SDK1: variants seen among roughly 807,000 people sequenced by gnomAD.
SDK1 encodes protein sidekick-1.
In SDK1, 157 loss-of-function variants were observed where a neutral mutation model predicts 245.5. The observed-to-expected ratio is 0.64, with a 90% CI of 0.56 to 0.73. The LOEUF (loss-of-function observed/expected upper bound fraction) is 0.73. SDK1 is among the 30% of genes least tolerant of loss of function. SDK1 has a pLI of 0.00. For missense variants in SDK1, 3,583 were observed against 3,002.3 expected (o/e 1.19, Z -4.52); for synonymous variants, 1,647 against 1,278.5 (o/e 1.29, Z -6.15).
intron 1 of SDK1, among the ~76,000 whole-genome samples, chr7:3,373,366 G>C (rs1375379842): frequency 6.6e-6 from 1 of 152,182 alleles, no homozygotes; most frequent in African/African-American, 2.4e-5. Context: ...TTGCAAGTCA[G>C]GTTCTCTCTG....
At chr7:3,933,343 G>T (rs1194457519) in intron 5 of SDK1, among the ~76,000 whole-genome samples, 1 of 152,002 alleles carries the variant, frequency 6.6e-6, no homozygotes, top group African/African-American at 2.4e-5. Context: ...AAACTTCTGG[G>T]CTCAAGTAAT....
At chr7:3,330,927 T>C (rs528010789) in intron 1 of SDK1, among the ~76,000 whole-genome samples, 3 of 151,538 alleles carry the variant, frequency 2.0e-5, no homozygotes, top group African/African-American at 7.3e-5. Flanking sequence ...GATCCTGTCA[T>C]TGCACTCCAG....
chr7:4,072,205 G>A (rs547870706), intron 20 of SDK1, among the ~76,000 whole-genome samples: 81 of 152,312 alleles, frequency 5.3e-4, no homozygotes, highest in African/African-American at 1.9e-3. Flanking sequence ...GCTTTCCTGG[G>A]CTGGGTGTAG....
intron 1 of SDK1, among the ~76,000 whole-genome samples, chr7:3,553,964 A>G (rs1393551317): frequency 2.0e-5 from 3 of 152,168 alleles, no homozygotes; most frequent in African/African-American, 7.2e-5. Flanking sequence ...GAATGCTGCA[A>G]AGGCTCTGAA....
At chr7:4,216,521 C>A (rs1584466715) in intron 38 of SDK1, among the ~76,000 whole-genome samples, 1 of 152,232 alleles carries the variant, frequency 6.6e-6, no homozygotes, top group African/African-American at 2.4e-5. Flanking sequence ...GGTAACTGGA[C>A]CTCCACATGA....
intron 1 of SDK1, among the ~76,000 whole-genome samples, chr7:3,616,119 C>G (rs1009237076): frequency 1.3e-5 from 2 of 152,292 alleles, no homozygotes; most frequent in Admixed American, 1.3e-4. Context: ...CACTCGAGCT[C>G]AAGCAATCCT....
intron 4 of SDK1, among the ~76,000 whole-genome samples, chr7:3,781,461 G>A (rs1780734707): frequency 6.6e-6 from 1 of 152,052 alleles, no homozygotes; most frequent in Non-Finnish European, 1.5e-5. Context: ...ACCTGTAAAG[G>A]CCAGAAAAGG....
intron 5 of SDK1, among the ~76,000 whole-genome samples, chr7:3,882,627 ATG>A (rs909304658): frequency 6.6e-6 from 1 of 152,166 alleles, no homozygotes; most frequent in Non-Finnish European, 1.5e-5. Flanking sequence ...CCAGTGTAGA[ATG>A]TAAATAGCAT....
chr7:4,132,370 C>T lies in SDK1; in HGVS notation c.4175C>T (p.Thr1392Ile), dbSNP rs373337374. 4.2e-5 allele frequency: 67 copies of T among 1,613,170 alleles called. No individual in the cohort carries two copies. Among genetic ancestry groups the T allele is most frequent in the Non-Finnish European group, 5.3e-5 (62 of 1,179,566 alleles). ...CTCGTGTTCCCCGAAGTGAGACTCA[C>T]CTCCGTGCGGATAGTGTGGCAACCT... is the stretch of plus-strand genomic sequence containing the variant. ...VRLVFPEVRL[T>I]SVRIVWQPPE... The change falls in exon 28 of 45, where the codon ACC becomes ATC. Residue 1392 changes from threonine (T) to isoleucine (I), a missense_variant. By Grantham distance (89) the Thr-to-Ile change is moderately conservative (BLOSUM62 -1). Transcript: ENST00000404826.
At chr7:3,726,388 C>T (rs978333672) in intron 4 of SDK1, among the ~76,000 whole-genome samples, 3 of 152,164 alleles carry the variant, frequency 2.0e-5, no homozygotes, top group African/African-American at 4.8e-5. Context: ...AGCAGTCACT[C>T]GACTGTAAGT....
chr7:3,868,056 A>T lies in SDK1; in HGVS notation c.847+46473A>T, dbSNP rs143390528. Among the ~76,000 whole-genome samples, 890 of 152,280 alleles carry T rather than the reference A, an allele frequency of 5.8e-3. 11 individuals carry two copies. Among genetic ancestry groups the T allele is most frequent in the African/African-American group, 0.02 (824 of 41,550 alleles). On this transcript the variant is annotated intron_variant, in intron 5 of 44. Transcript: ENST00000404826. ...TTGTTTGAATGTTTCACGGAATGTT[A>T]ATCCTGGCATATTTGGCTGCCATCA...
At chr7:3,547,100 C>T (rs1583151100) in intron 1 of SDK1, among the ~76,000 whole-genome samples, 1 of 152,056 alleles carries the variant, frequency 6.6e-6, no homozygotes, top group African/African-American at 2.4e-5. Context: ...CTTGTCTACA[C>T]TTAGAGTTTT....
At chr7:3,468,476 C>G (rs1781080404) in intron 1 of SDK1, among the ~76,000 whole-genome samples, 1 of 152,120 alleles carries the variant, frequency 6.6e-6, no homozygotes, top group African/African-American at 2.4e-5. Context: ...AACCAGAACC[C>G]CTTTCCCCAT....
At chr7:3,795,253 C>T (rs915985316) in intron 4 of SDK1, among the ~76,000 whole-genome samples, 1 of 152,020 alleles carries the variant, frequency 6.6e-6, no homozygotes, top group Non-Finnish European at 1.5e-5. Context: ...TGTGCTGTGG[C>T]TGTGATTTTT....
intron 1 of SDK1, among the ~76,000 whole-genome samples, chr7:3,504,282 TTGTTGTTGTTGC>T (rs1472532035): frequency 6.6e-6 from 1 of 151,418 alleles, no homozygotes; most frequent in Non-Finnish European, 1.5e-5. Flanking sequence ...GTTGTTGTTG[TTGTTGTTGTTGC>T]AGAATTTGAC....
chr7:3,522,136 G>T (rs113114476), intron 1 of SDK1, among the ~76,000 whole-genome samples: 2 of 151,840 alleles, frequency 1.3e-5, no homozygotes, highest in Non-Finnish European at 2.9e-5. Context: ...ACTATCTTTG[G>T]TTTTATTGTA....
intron 1 of SDK1, among the ~76,000 whole-genome samples, chr7:3,545,976 T>C (rs138321076): frequency 4.9e-3 from 748 of 152,370 alleles, no homozygotes; most frequent in Non-Finnish European, 8.1e-3. Context: ...AGAAAGACTT[T>C]AGTAACCTAT....
intron 40 of SDK1, among the ~76,000 whole-genome samples, chr7:4,224,982 C>CA (rs3038664): frequency 0.014 from 601 of 43,736 alleles, 104 homozygotes; most frequent in Middle Eastern, 0.032. Flanking sequence ...GACTCTGTCT[C>CA]AAAAAAAAAA....
chr7:3,412,073 C>T (rs192005644), intron 1 of SDK1, among the ~76,000 whole-genome samples: 84 of 151,958 alleles, frequency 5.5e-4, no homozygotes, highest in Non-Finnish European at 9.9e-4. Context: ...AGAAAGAAGG[C>T]GTGTTTAAAT....
Sources: allele counts gnomAD v4.1 joint callset (sites outside exome capture counted in the v4.1 genomes callset), GRCh38; gene constraint gnomAD v4.1.1; transcripts MANE v1.5; gene names NCBI Gene and HGNC (gene_info 2026-07-23, HGNC 2026-07-21).